The following STAG1 variants were observed in gnomAD, a reference collection of about 807,000 sequenced individuals.
The protein encoded by STAG1 is STAG1 cohesin complex component.
STAG1 carries 26 observed loss-of-function variants against 170.9 expected under a neutral mutation model. The observed-to-expected ratio is 0.15, with a 90% CI of 0.11 to 0.21. The LOEUF is 0.21. STAG1 is among the 10% of genes least tolerant of loss of function. The probability of loss-of-function intolerance (pLI) is 1.00; values close to 1 mark genes in which losing one functional copy is unlikely to be tolerated. For missense variants in STAG1, 964 were observed against 1,509.5 expected (o/e 0.64, Z 5.99); for synonymous variants, 514 against 497.7 (o/e 1.03, Z -0.44).
At chr3:136,413,962 C>T (rs1013028033) in intron 21 of STAG1, among the ~76,000 whole-genome samples, 3 of 152,108 alleles carry the variant, frequency 2.0e-5, no homozygotes, top group Admixed American at 2.0e-4. Flanking sequence ...TAAAAGTGTG[C>T]AATAGCATTA....
chr3:136,443,137 CCTTA>C (rs1421963193), intron 15 of STAG1, 146 bp downstream of exon 15: 25 of 501,232 alleles, frequency 5.0e-5, no homozygotes, highest in Admixed American at 3.7e-4. Flanking sequence ...ATTGACACAT[CCTTA>C]CTTGTTACAG....
chr3:136,397,418 A>T (rs1345726559), intron 22 of STAG1, among the ~76,000 whole-genome samples: 1 of 151,852 alleles, frequency 6.6e-6, no homozygotes, highest in Non-Finnish European at 1.5e-5. Flanking sequence ...TACCACCATT[A>T]TAGAACACTT....
intron 32 of STAG1, among the ~76,000 whole-genome samples, chr3:136,340,204 G>C (rs61789608): frequency 6.6e-6 from 1 of 152,102 alleles, no homozygotes; most frequent in Non-Finnish European, 1.5e-5. Context: ...GTCCAGGCTA[G>C]ATTGCAATGG....
chr3:136,576,206 A>T (rs947105821), intron 4 of STAG1, among the ~76,000 whole-genome samples: 3 of 152,260 alleles, frequency 2.0e-5, no homozygotes, highest in Admixed American at 1.3e-4. Context: ...CTAATGACAG[A>T]AACAGTTGCT....
chr3:136,435,326 G>C (rs975193754), intron 15 of STAG1, among the ~76,000 whole-genome samples: 1 of 152,008 alleles, frequency 6.6e-6, no homozygotes, highest in Admixed American at 6.6e-5. Flanking sequence ...TCACAGACAG[G>C]GAGAATGAGC....
At chr3:136,592,003 C>G (rs1487364962) in intron 4 of STAG1, among the ~76,000 whole-genome samples, 1 of 152,018 alleles carries the variant, frequency 6.6e-6, no homozygotes, top group Non-Finnish European at 1.5e-5. Context: ...GGACATGAGG[C>G]CAGAAAGAGA....
chr3:136,723,686 C>A (rs1272058523), intron 1 of STAG1, among the ~76,000 whole-genome samples: 4 of 147,368 alleles, frequency 2.7e-5, no homozygotes, highest in African/African-American at 7.6e-5. Flanking sequence ...CGGCCAGCCA[C>A]CCCGTCTGGG....
At chr3:136,472,621 A>C (rs1353573845) in intron 11 of STAG1, 129 bp from the exon 12 acceptor site, 7 of 592,206 alleles carry the variant, frequency 1.2e-5, no homozygotes, top group African/African-American at 3.7e-5. Context: ...TTACTCTTGA[A>C]ACTGCAGTAT....
intron 1 of STAG1, among the ~76,000 whole-genome samples, chr3:136,746,450 A>T (rs1180155157): frequency 6.6e-6 from 1 of 151,998 alleles, no homozygotes; most frequent in Non-Finnish European, 1.5e-5. Context: ...AAAACTCACA[A>T]TGTTTTAAGA....
At position 136,652,183 on chromosome 3, in the gene STAG1, TAAC is replaced by T. The variant is rs555334579; in HGVS notation, c.-83-21205_-83-21203del. Among the ~76,000 whole-genome samples, 505 of 152,130 alleles carry T rather than the reference TAAC, an allele frequency of 3.3e-3. 2 individuals carry two copies. The highest frequency in any genetic ancestry group is 6.0e-3 in the Non-Finnish European group (407 of 67,962). Reference sequence around the variant, plus strand: ...GAACAAGTTAAAAGTATACCACAAATAACAGCTGCAAGTCATAACTTATACAAT... The same window carrying T: ...GAACAAGTTAAAAGTATACCACAAATAGCTGCAAGTCATAACTTATACAAT... On this transcript the variant is annotated intron_variant, in intron 1 of 33. Transcript: ENST00000383202.
intron 14 of STAG1, among the ~76,000 whole-genome samples, chr3:136,445,626 A>G (rs554447979): frequency 1.3e-5 from 2 of 152,318 alleles, no homozygotes; most frequent in South Asian, 4.1e-4. Context: ...ATTTTACAAT[A>G]AATCAGCTGA....
chr3:136,401,789 A>G (rs1426944256), intron 21 of STAG1, among the ~76,000 whole-genome samples: 2 of 152,014 alleles, frequency 1.3e-5, no homozygotes, highest in Non-Finnish European at 2.9e-5. Flanking sequence ...TTTTACTTTA[A>G]TTTTTTGAGA....
chr3:136,400,421 A>G (rs1405263385), intron 21 of STAG1, among the ~76,000 whole-genome samples: 1 of 151,870 alleles, frequency 6.6e-6, no homozygotes, highest in African/African-American at 2.4e-5. Flanking sequence ...GGGTTTTGCC[A>G]TGTTGCCCAG....
chr3:136,659,144 G>A (rs575366519), intron 1 of STAG1, among the ~76,000 whole-genome samples: 16 of 152,136 alleles, frequency 1.1e-4, no homozygotes, highest in African/African-American at 2.4e-4. Context: ...AGCACAGAAC[G>A]CGAGTGATAG....
chr3:136,453,053 C>T (rs913375537), intron 13 of STAG1, among the ~76,000 whole-genome samples: 7 of 152,020 alleles, frequency 4.6e-5, no homozygotes, highest in African/African-American at 1.7e-4. Flanking sequence ...GCCCTAAGTT[C>T]TATTTTCCTA....
intron 1 of STAG1, among the ~76,000 whole-genome samples, chr3:136,636,735 A>G (rs1940577606): frequency 6.6e-6 from 1 of 152,252 alleles, no homozygotes; most frequent in Non-Finnish European, 1.5e-5. Context: ...ATTAAACACT[A>G]AAATAAATGT....
intron 10 of STAG1, among the ~76,000 whole-genome samples, chr3:136,476,793 A>G (rs1263108028): frequency 6.6e-6 from 1 of 152,154 alleles, no homozygotes; most frequent in Non-Finnish European, 1.5e-5. Flanking sequence ...TGGTTATTCT[A>G]AGGATTACTT....
At position 136,652,194 on chromosome 3, in the gene STAG1, A is replaced by G. The variant is rs76609897; in HGVS notation, c.-83-21213T>C. Among the ~76,000 whole-genome samples the G allele has an allele frequency of 5.1e-3, 779 of 152,372 alleles. 9 individuals are homozygous for G. Among genetic ancestry groups the G allele is most frequent in the East Asian group, 0.045 (236 of 5,190 alleles). On this transcript the variant is annotated intron_variant, in intron 1 of 33. Transcript: ENST00000383202. ...AAGTATACCACAAATAACAGCTGCA[A>G]GTCATAACTTATACAATTCTGAGAG...
At chr3:136,749,270 G>C (rs1935107903) in intron 1 of STAG1, among the ~76,000 whole-genome samples, 1 of 152,206 alleles carries the variant, frequency 6.6e-6, no homozygotes, top group Non-Finnish European at 1.5e-5. Flanking sequence ...TCAGAGGTCA[G>C]ACACACAGGA....
Sources: gnomAD v4.1 joint callset for allele counts (sites outside exome capture counted in the v4.1 genomes callset) on GRCh38, gnomAD v4.1.1 for gene constraint, MANE v1.5 for transcripts, NCBI Gene and HGNC (gene_info 2026-07-23, HGNC 2026-07-21) for gene names.